The following ZNF804B variants were observed in gnomAD, a reference collection of about 807,000 sequenced individuals.
The protein encoded by ZNF804B is zinc finger protein 804B.
In ZNF804B, 80 loss-of-function variants were observed where a neutral mutation model predicts 101.4. The ratio of observed to expected loss-of-function variants is 0.79; its 90% confidence interval spans 0.66 to 0.95. ZNF804B has a LOEUF of 0.95. Ranked by LOEUF, ZNF804B falls within the 40% of genes least tolerant of loss-of-function variation. The pLI, the probability that ZNF804B is intolerant of heterozygous loss-of-function variation, is 0.00. For missense variants in ZNF804B, 1,673 were observed against 1,561.9 expected (o/e 1.07, Z -1.20); for synonymous variants, 622 against 558.8 (o/e 1.11, Z -1.59).
intron 1 of ZNF804B, among the ~76,000 whole-genome samples, chr7:88,963,866 G>A (rs1448829336): frequency 6.6e-6 from 1 of 151,202 alleles, no homozygotes; most frequent in Non-Finnish European, 1.5e-5. Context: ...AATGACAAAG[G>A]ATTGAATACA....
intron 2 of ZNF804B, among the ~76,000 whole-genome samples, chr7:89,223,174 C>T (rs1008594): frequency 0.71 from 107,840 of 151,604 alleles, 39,018 homozygotes; most frequent in African/African-American, 0.77. Flanking sequence ...CATAATTTTA[C>T]TTTCCATGTA....
intron 1 of ZNF804B, among the ~76,000 whole-genome samples, chr7:89,156,970 C>G (rs1790989184): frequency 6.6e-6 from 1 of 152,084 alleles, no homozygotes; most frequent in Non-Finnish European, 1.5e-5. Context: ...TGGGGTCTAC[C>G]CTTTTCGCTT....
At chr7:88,969,533 AT>A (rs1241484653) in intron 1 of ZNF804B, among the ~76,000 whole-genome samples, 1 of 151,562 alleles carries the variant, frequency 6.6e-6, no homozygotes, top group East Asian at 2.0e-4. Flanking sequence ...GAGTGATGAC[AT>A]TTTTTTCTTC....
chr7:89,248,695 A>G (rs1789489018), intron 2 of ZNF804B, among the ~76,000 whole-genome samples: 1 of 152,168 alleles, frequency 6.6e-6, no homozygotes, highest in Non-Finnish European at 1.5e-5. Flanking sequence ...ACACTTAAGT[A>G]CCTAGCCCAC....
chr7:88,799,609 GTTA>G (rs1790548022), intron 1 of ZNF804B, among the ~76,000 whole-genome samples: 1 of 151,974 alleles, frequency 6.6e-6, no homozygotes, highest in Admixed American at 6.6e-5. Context: ...TTTATCTACT[GTTA>G]TTATCTACTC....
chr7:88,872,165 GA>G (rs1252286954), intron 1 of ZNF804B, among the ~76,000 whole-genome samples: 3 of 152,150 alleles, frequency 2.0e-5, no homozygotes, highest in African/African-American at 7.2e-5. Flanking sequence ...CTTATTTATT[GA>G]AATGCTATAA....
chr7:89,045,189 T>C (rs1789086498), intron 1 of ZNF804B, among the ~76,000 whole-genome samples: 1 of 152,116 alleles, frequency 6.6e-6, no homozygotes, highest in South Asian at 2.1e-4. Context: ...TGGGCATCTG[T>C]GGGTGCACAG....
At chr7:89,017,067 G>T (rs535169031) in intron 1 of ZNF804B, among the ~76,000 whole-genome samples, 2 of 152,136 alleles carry the variant, frequency 1.3e-5, no homozygotes, top group African/African-American at 4.8e-5. Context: ...TTGTAAGTTA[G>T]ATTCCTAGGT....
Position 89,101,282 on chromosome 7 carries a change from C to T in ZNF804B, c.109-116873C>T, listed in dbSNP as rs996141281. Among the ~76,000 whole-genome samples the T allele has an allele frequency of 9.2e-5, 14 of 151,916 alleles. No homozygotes were observed. In the South Asian group the frequency reaches 1.5e-3, roughly 16 times the overall value. On this transcript the variant is annotated intron_variant, in intron 1 of 3. Transcript: ENST00000333190. ...CATGGTGTGCATATCACCAATTTGG[C>T]GAGGTTGGCATTCAAACAGAAGTAT... is the stretch of plus-strand genomic sequence containing the variant.
At position 89,198,934 on chromosome 7, in the gene ZNF804B, C is replaced by T. The variant is rs557140292; in HGVS notation, c.109-19221C>T. ...AAAGAACATTATTTCTAACAAGTAA[C>T]TTATCGGGAATATGGAGCCATAAGG... is the stretch of plus-strand genomic sequence containing the variant. On this transcript the variant is annotated intron_variant, in intron 1 of 3. Transcript: ENST00000333190. 5.3e-5 allele frequency among the ~76,000 whole-genome samples: 8 copies of T among 151,884 alleles called. No individual in the cohort carries two copies. In the East Asian group the frequency reaches 1.6e-3, roughly 29 times the overall value.
chr7:89,052,906 G>C (rs1321535879), intron 1 of ZNF804B, among the ~76,000 whole-genome samples: 3 of 152,058 alleles, frequency 2.0e-5, no homozygotes, highest in Non-Finnish European at 4.4e-5. Flanking sequence ...GACATATTTG[G>C]GCTTTCACAT....
chr7:88,932,542 C>T (rs1170476094), intron 1 of ZNF804B, among the ~76,000 whole-genome samples: 1 of 151,666 alleles, frequency 6.6e-6, no homozygotes, highest in Non-Finnish European at 1.5e-5. Context: ...CAAATGAGCT[C>T]AATTAAAAAT....
chr7:88,804,217 CAGTA>C (rs1027672436), intron 1 of ZNF804B, among the ~76,000 whole-genome samples: 6 of 152,126 alleles, frequency 3.9e-5, no homozygotes, highest in African/African-American at 1.4e-4. Flanking sequence ...CCACATTTGT[CAGTA>C]AGAAGAATGA....
intron 2 of ZNF804B, among the ~76,000 whole-genome samples, chr7:89,293,178 A>G (rs1164096178): frequency 1.3e-5 from 2 of 151,922 alleles, no homozygotes; most frequent in Non-Finnish European, 2.9e-5. Flanking sequence ...ACAGTTACCC[A>G]CAGTATTTAG....
chr7:89,200,263 C>T (rs1221112184), intron 1 of ZNF804B, among the ~76,000 whole-genome samples: 1 of 151,910 alleles, frequency 6.6e-6, no homozygotes, highest in Non-Finnish European at 1.5e-5. Flanking sequence ...AGTTTTATCT[C>T]TATTAGTTAA....
At chr7:89,165,970 T>C (rs890317401) in intron 1 of ZNF804B, among the ~76,000 whole-genome samples, 3 of 152,182 alleles carry the variant, frequency 2.0e-5, no homozygotes, top group African/African-American at 7.2e-5. Flanking sequence ...ATTTATACCT[T>C]GAAAATGACA....
chr7:89,232,313 T>G (rs886998119), intron 2 of ZNF804B, among the ~76,000 whole-genome samples: 22 of 152,248 alleles, frequency 1.4e-4, no homozygotes, highest in Non-Finnish European at 4.4e-5. Context: ...TTTTATAATT[T>G]ATAGGATTTA....
intron 2 of ZNF804B, among the ~76,000 whole-genome samples, chr7:89,232,878 A>G (rs1028049582): frequency 1.3e-5 from 2 of 152,034 alleles, no homozygotes; most frequent in African/African-American, 4.8e-5. Context: ...CTCTTTTGAT[A>G]TGTATAATAT....
At chr7:88,865,033 A>G (rs1791705320) in intron 1 of ZNF804B, among the ~76,000 whole-genome samples, 1 of 151,906 alleles carries the variant, frequency 6.6e-6, no homozygotes, top group Admixed American at 6.6e-5. Context: ...GTTCAAGGCC[A>G]CCCAGACTAA....
Sources: gnomAD v4.1 joint callset for allele counts (sites outside exome capture counted in the v4.1 genomes callset) on GRCh38, gnomAD v4.1.1 for gene constraint, MANE v1.5 for transcripts, NCBI Gene and HGNC (gene_info 2026-07-23, HGNC 2026-07-21) for gene names.